Variants in MECOM observed in about 807,000 individuals in gnomAD.
The protein encoded by MECOM is histone-lysine N-methyltransferase MECOM.
A neutral mutation model predicts 116.3 loss-of-function variants in MECOM; 13 were observed. That is an observed-to-expected ratio of 0.11 (90% CI 0.07 to 0.18). The LOEUF (loss-of-function observed/expected upper bound fraction) is 0.18. Among genes scored for constraint, MECOM ranks in the 10% least tolerant of loss-of-function variants. The pLI, the probability that MECOM is intolerant of heterozygous loss-of-function variation, is 1.00. For missense variants in MECOM, 1,299 were observed against 1,509.0 expected (o/e 0.86, Z 2.31); for synonymous variants, 528 against 535.2 (o/e 0.99, Z 0.19).
intron 1 of MECOM, among the ~76,000 whole-genome samples, chr3:169,426,919 T>C (rs1240472362): frequency 6.6e-6 from 1 of 152,192 alleles, no homozygotes; most frequent in African/African-American, 2.4e-5. Context: ...ACACGTTAAA[T>C]CTTTGTGACA....
chr3:169,473,065 T>C, intron 1 of MECOM: 1 of 633,994 alleles, frequency 1.6e-6, no homozygotes, highest in Non-Finnish European at 2.0e-6. Context: ...AACAGTCTCC[T>C]GGTTTCCAAA....
At chr3:169,250,006 G>A (rs1293163488) in intron 2 of MECOM, among the ~76,000 whole-genome samples, 1 of 152,104 alleles carries the variant, frequency 6.6e-6, no homozygotes, top group Non-Finnish European at 1.5e-5. Context: ...GCACAAACTT[G>A]CAAAGAATTA....
At chr3:169,368,194 G>A (rs1729503779) in intron 2 of MECOM, among the ~76,000 whole-genome samples, 1 of 151,944 alleles carries the variant, frequency 6.6e-6, no homozygotes, top group Non-Finnish European at 1.5e-5. Flanking sequence ...ATCTTAAAAA[G>A]CACACAATAT....
rs10576266 is a variant in MECOM at position 169,180,794 on chromosome 3, G to GATATATATATATAT, written c.376-36976_376-36963dup. ...TATGTATGTGTGTGTGTGTGGAGAT[G>GATATATATATATAT]ATATATATATATATATATATCAGGC... On this transcript the variant is annotated intron_variant, in intron 2 of 16. Coordinates refer to ENST00000651503, the MANE Select transcript of MECOM (RefSeq NM_004991.4). Among the ~76,000 whole-genome samples the GATATATATATATAT allele has an allele frequency of 9.3e-3, 1,016 of 108,714 alleles. 66 individuals carry two copies. The highest frequency in any genetic ancestry group is 0.028 in the African/African-American group (870 of 31,072). 71.3% of individuals were successfully genotyped at this position (108,714 alleles called of 152,430 possible).
intron 1 of MECOM, among the ~76,000 whole-genome samples, chr3:169,496,486 A>G (rs1179609977): frequency 6.6e-6 from 1 of 152,154 alleles, no homozygotes; most frequent in African/African-American, 2.4e-5. Flanking sequence ...CGTCAAACTA[A>G]TGTGTTTTTT....
chr3:169,453,367 T>C (rs1366245908), intron 1 of MECOM, among the ~76,000 whole-genome samples: 1 of 152,206 alleles, frequency 6.6e-6, no homozygotes, highest in Non-Finnish European at 1.5e-5. Flanking sequence ...AATCGCTGGA[T>C]GGAAACTGCT....
chr3:169,144,121 T>C (rs1238347675), intron 2 of MECOM, among the ~76,000 whole-genome samples: 1 of 152,200 alleles, frequency 6.6e-6, no homozygotes, highest in Admixed American at 6.5e-5. Context: ...TTATCCAATG[T>C]GATTTTTGCA....
intron 2 of MECOM, among the ~76,000 whole-genome samples, chr3:169,368,539 C>G (rs1437629107): frequency 6.6e-6 from 1 of 152,006 alleles, no homozygotes; most frequent in East Asian, 1.9e-4. Flanking sequence ...CATGTTGCTA[C>G]CTTCATTTGA....
At chr3:169,183,870 CT>C (rs1024696252) in intron 2 of MECOM, among the ~76,000 whole-genome samples, 1 of 116,842 alleles carries the variant, frequency 8.6e-6, no homozygotes, top group Non-Finnish European at 1.9e-5. Flanking sequence ...TCTTTTTTCT[CT>C]TTTTTTTTAG....
intron 1 of MECOM, among the ~76,000 whole-genome samples, chr3:169,538,708 G>T (rs894142537): frequency 6.6e-6 from 1 of 152,144 alleles, no homozygotes; most frequent in African/African-American, 2.4e-5. Flanking sequence ...AGATGTTGAG[G>T]CTAGGATTCT....
intron 2 of MECOM, among the ~76,000 whole-genome samples, chr3:169,321,934 C>T (rs966352338): frequency 6.6e-6 from 1 of 152,180 alleles, no homozygotes; most frequent in Non-Finnish European, 1.5e-5. Context: ...CAGGGAGCCA[C>T]CGAAGTGATT....
chr3:169,406,936 C>T (rs1008646294), intron 1 of MECOM, among the ~76,000 whole-genome samples: 5 of 151,604 alleles, frequency 3.3e-5, no homozygotes, highest in Non-Finnish European at 7.4e-5. Flanking sequence ...CCACCTCTCC[C>T]GGATTCAAGA....
In MECOM at chr3:169,366,597, C is replaced by T. The variant is rs1164018361; in HGVS notation, c.375+14590G>A. ...CAGGCCAGTAGTGTTGCGAGACCAA[C>T]AAGAAATACCTTTTTTTGAGGGCAG... On this transcript the variant is annotated intron_variant, in intron 2 of 16. Coordinates refer to ENST00000651503, the MANE Select transcript of MECOM (RefSeq NM_004991.4). Among the ~76,000 whole-genome samples, 4 of 152,126 alleles carry T rather than the reference C, an allele frequency of 2.6e-5. No homozygotes were observed. In the East Asian group the frequency reaches 7.8e-4, roughly 30 times the overall value.
chr3:169,136,047 A>G (rs1736264055), intron 3 of MECOM, among the ~76,000 whole-genome samples: 2 of 151,786 alleles, frequency 1.3e-5, no homozygotes, highest in Admixed American at 1.3e-4. Context: ...TAAATGCCCT[A>G]AACAGAATTA....
intron 2 of MECOM, among the ~76,000 whole-genome samples, chr3:169,262,215 T>C (rs568281480): frequency 6.2e-4 from 94 of 152,328 alleles, no homozygotes; most frequent in South Asian, 1.5e-3. Flanking sequence ...AGCATTTTAA[T>C]AATAACAATA....
At chr3:169,235,165 T>C (rs1293362494) in intron 2 of MECOM, among the ~76,000 whole-genome samples, 2 of 152,216 alleles carry the variant, frequency 1.3e-5, no homozygotes, top group Admixed American at 1.3e-4. Context: ...CTGACTTCTA[T>C]TATCATCAAT....
intron 1 of MECOM, among the ~76,000 whole-genome samples, chr3:169,520,139 C>G (rs1004432552): frequency 2.6e-5 from 4 of 152,174 alleles, no homozygotes; most frequent in Non-Finnish European, 4.4e-5. Flanking sequence ...TGGAAGAAAG[C>G]AAAAGAACAA....
chr3:169,119,209 G>A (rs1044115496), intron 7 of MECOM, among the ~76,000 whole-genome samples: 2 of 152,278 alleles, frequency 1.3e-5, no homozygotes, highest in East Asian at 1.9e-4. Context: ...GGGGTAAATC[G>A]TGGTGTGTGG....
intron 1 of MECOM, among the ~76,000 whole-genome samples, chr3:169,662,113 G>T (rs534979358): frequency 1.3e-5 from 2 of 152,230 alleles, no homozygotes; most frequent in East Asian, 3.9e-4. Flanking sequence ...TGTGGGCCCC[G>T]CCGGCAAAGC....
Sources: gnomAD v4.1 joint callset for allele counts (sites outside exome capture counted in the v4.1 genomes callset) on GRCh38, gnomAD v4.1.1 for gene constraint, MANE v1.5 for transcripts, NCBI Gene and HGNC (gene_info 2026-07-23, HGNC 2026-07-21) for gene names.